Variants in COL28A1 observed in about 807,000 individuals in gnomAD.
COL28A1 encodes collagen type XXVIII alpha 1 chain, also known as collagen alpha-1(XXVIII) chain.
A neutral mutation model predicts 150.2 loss-of-function variants in COL28A1; 161 were observed. The observed-to-expected ratio is 1.07, with a 90% CI of 0.94 to 1.22. COL28A1 has a LOEUF of 1.22. Ranked by LOEUF, COL28A1 falls within the 50% of genes most tolerant of loss-of-function variation. The pLI, the probability that COL28A1 is intolerant of heterozygous loss-of-function variation, is 0.00. For synonymous variants in COL28A1, 552 were observed against 469.7 expected (o/e 1.18, Z -2.26); for missense variants, 1,617 against 1,388.3 (o/e 1.16, Z -2.62).
chr7:7,344,811 A>T, the COL28A1 span, among the ~76,000 whole-genome samples: 1 of 152,120 alleles, frequency 6.6e-6, no homozygotes, highest in African/African-American at 2.4e-5. Context: ...CCTGCATTAA[A>T]CTGCTGCAAT....
intron 7 of COL28A1, among the ~76,000 whole-genome samples, chr7:7,516,961 T>C (rs957373960): frequency 3.3e-5 from 5 of 152,130 alleles, no homozygotes; most frequent in African/African-American, 1.2e-4. Context: ...CAATGAGGAA[T>C]AGAAGATAAA....
At chr7:7,352,663 T>A (rs1274037774), downstream of COL28A1, among the ~76,000 whole-genome samples, 2 of 152,246 alleles carry the variant, frequency 1.3e-5, no homozygotes, top group South Asian at 2.1e-4. Flanking sequence ...ATCCCTCAGA[T>A]CCTCCAGAAG....
At chr7:7,524,977 T>A (rs187836235) in intron 3 of COL28A1, among the ~76,000 whole-genome samples, 1 of 152,200 alleles carries the variant, frequency 6.6e-6, no homozygotes, top group Admixed American at 6.5e-5. Flanking sequence ...TGGTAAAAAT[T>A]TTGAACTGTT....
At position 7,527,376 on chromosome 7, in the gene COL28A1, G is replaced by A. The variant is rs141962411; in HGVS notation, c.682-3127C>T. 1.6e-3 allele frequency among the ~76,000 whole-genome samples: 243 copies of A among 152,342 alleles called. 1 individual carries two copies. Among genetic ancestry groups the A allele is most frequent in the Middle Eastern group, 0.014 (4 of 294 alleles). On this transcript the variant is annotated intron_variant, in intron 3 of 34. Transcript: ENST00000399429. ...GGTTTTCTGGATGGTTTTGAAGAGA[G>A]GAATGCAAAGGACCACCCATTGATG...
At chr7:7,341,047 A>C in the COL28A1 span, among the ~76,000 whole-genome samples, 1 of 152,162 alleles carries the variant, frequency 6.6e-6, no homozygotes, top group African/African-American at 2.4e-5. Flanking sequence ...ATAGGTAGAC[A>C]GTCATCACCT....
chr7:7,373,892 G>C lies in COL28A1; in HGVS notation c.2360-346C>G, dbSNP rs1033013234. ...TTTTTTGTATTTTTAGTAGAGACAG[G>C]GTTTCACCGTGTTAGCCAAGATGGT... On this transcript the variant is annotated intron_variant, in intron 31 of 34. Coordinates refer to ENST00000399429, the MANE Select transcript of COL28A1 (RefSeq NM_001037763.3). The surrounding 1 kb of genome is among the most constrained non-coding windows in gnomAD (Gnocchi z 4.1). Among the ~76,000 whole-genome samples the C allele has an allele frequency of 1.3e-5, 2 of 151,002 alleles. No individual in the cohort carries two copies. Among genetic ancestry groups the C allele is most frequent in the Non-Finnish European group, 3.0e-5 (2 of 67,728 alleles).
chr7:7,359,175 T>G (rs1780495344), intron 34 of COL28A1, among the ~76,000 whole-genome samples: 1 of 152,102 alleles, frequency 6.6e-6, no homozygotes, highest in Non-Finnish European at 1.5e-5. Context: ...CAAATTAATA[T>G]TTGGAATAAA....
At chr7:7,486,777 C>A (rs61543470) in intron 13 of COL28A1, among the ~76,000 whole-genome samples, 4 of 152,044 alleles carry the variant, frequency 2.6e-5, no homozygotes, top group African/African-American at 4.8e-5. Flanking sequence ...GGCTTGCATC[C>A]ACAGGATAAA....
intron 9 of COL28A1, 52 bp downstream of exon 9, chr7:7,511,039 C>T (rs373833005): frequency 1.1e-5 from 17 of 1,481,676 alleles, no homozygotes; most frequent in African/African-American, 8.3e-5. Flanking sequence ...CTTAAGGAAA[C>T]GCAACCCAAA....
intron 23 of COL28A1, among the ~76,000 whole-genome samples, chr7:7,435,059 A>G (rs1426619328): frequency 6.6e-6 from 1 of 152,232 alleles, no homozygotes; most frequent in East Asian, 1.9e-4. Context: ...GAGTATCATT[A>G]GAGTCCAGGG....
rs1780586175 is a variant in COL28A1, at chr7:7,360,423, G to GT, written c.3171_3172insA (p.Pro1058ThrfsTer14). 2 of 1,607,492 alleles carry GT rather than the reference G, an allele frequency of 1.2e-6. No homozygotes were observed. Among genetic ancestry groups the GT allele is most frequent in the Non-Finnish European group, 8.5e-7 (1 of 1,178,186 alleles). On this transcript the variant is annotated frameshift_variant, in exon 34 of 35. Transcript: ENST00000399429. LOFTEE classifies it low-confidence loss of function (END_TRUNC). The stretch of plus-strand genomic sequence containing the variant: ...CCATCCACAGGGGTGCTGAGCAGTG[G>GT]CCTGGGGGTGGTGGTGGCCTCAGAT...
intron 27 of COL28A1, among the ~76,000 whole-genome samples, chr7:7,415,164 T>A (rs904059805): frequency 3.9e-5 from 6 of 152,160 alleles, no homozygotes; most frequent in African/African-American, 1.2e-4. Flanking sequence ...AGAGACAGAG[T>A]ACAGTTCAGG....
chr7:7,421,380 G>C (rs902563027), intron 25 of COL28A1, among the ~76,000 whole-genome samples: 3 of 152,098 alleles, frequency 2.0e-5, no homozygotes, highest in Non-Finnish European at 2.9e-5. Context: ...TTATGGTGAT[G>C]GCTGTATAGC....
intron 30 of COL28A1, among the ~76,000 whole-genome samples, chr7:7,378,686 A>G (rs1781700493): frequency 6.6e-6 from 1 of 152,130 alleles, no homozygotes; most frequent in Non-Finnish European, 1.5e-5. Flanking sequence ...CAGACAGGCC[A>G]CCTCTAGCTA....
At chr7:7,381,419 G>A in intron 28 of COL28A1, 125 bp downstream of exon 28, 2 of 693,292 alleles carry the variant, frequency 2.9e-6, no homozygotes, top group Non-Finnish European at 2.5e-6. Context: ...TATTTTGAGT[G>A]GATTGTTTTT....
intron 27 of COL28A1, among the ~76,000 whole-genome samples, chr7:7,394,378 C>T (rs1782723114): frequency 6.6e-6 from 1 of 152,216 alleles, no homozygotes; most frequent in African/African-American, 2.4e-5. Flanking sequence ...TGTTCCTATT[C>T]AGCCATCTTG....
At chr7:7,523,636 C>A (rs1011607532) in intron 4 of COL28A1, among the ~76,000 whole-genome samples, 2 of 152,194 alleles carry the variant, frequency 1.3e-5, no homozygotes, top group African/African-American at 4.8e-5. Context: ...GTTCCAAACT[C>A]TTTCTTTTAA....
chr7:7,339,462 G>A, the COL28A1 span, among the ~76,000 whole-genome samples: 1 of 152,004 alleles, frequency 6.6e-6, no homozygotes, highest in East Asian at 1.9e-4. Context: ...TCCTGTTTTG[G>A]CTTTCGTGCT....
chr7:7,398,876 G>A (rs761322054), intron 27 of COL28A1, among the ~76,000 whole-genome samples: 6 of 152,164 alleles, frequency 3.9e-5, no homozygotes, highest in Non-Finnish European at 8.8e-5. Context: ...GTGTTTAGAT[G>A]TCAGTTTGCC....
Sources: gnomAD v4.1 joint callset for allele counts (sites outside exome capture counted in the v4.1 genomes callset) on GRCh38, gnomAD v4.1.1 for gene constraint, Gnocchi (gnomAD v3.1) non-coding constraint, MANE v1.5 for transcripts, NCBI Gene and HGNC (gene_info 2026-07-23, HGNC 2026-07-21) for gene names.